Variants in ARL15 observed in about 807,000 individuals in gnomAD.
ARL15 encodes ADP-ribosylation factor-like protein 15.
A neutral mutation model predicts 25.2 loss-of-function variants in ARL15; 19 were observed. That is an observed-to-expected ratio of 0.75 (90% CI 0.53 to 1.10). ARL15 has a LOEUF of 1.10. Ranked by LOEUF, ARL15 falls within the 50% of genes least tolerant of loss-of-function variation. The pLI, the probability that ARL15 is intolerant of heterozygous loss-of-function variation, is 0.00. For missense variants in ARL15, 220 were observed against 246.0 expected, an observed-to-expected ratio of 0.89 and a Z score of 0.71; for synonymous variants, 94 against 86.8, an observed-to-expected ratio of 1.08 and a Z score of -0.46.
intron 1 of ARL15, among the ~76,000 whole-genome samples, chr5:54,250,138 T>C (rs989862115): frequency 6.6e-6 from 1 of 152,092 alleles, no homozygotes; most frequent in Admixed American, 6.6e-5. Context: ...GCCTGTCACA[T>C]GGCAGGAGTG....
chr5:54,131,839 C>A (rs1753448190), intron 3 of ARL15, among the ~76,000 whole-genome samples: 1 of 151,332 alleles, frequency 6.6e-6, no homozygotes, highest in Non-Finnish European at 1.5e-5. Flanking sequence ...GGAGGCGGAG[C>A]TTGCAGTGAG....
At chr5:53,959,532 C>T (rs1475139599) in intron 4 of ARL15, among the ~76,000 whole-genome samples, 4 of 152,116 alleles carry the variant, frequency 2.6e-5, no homozygotes, top group Non-Finnish European at 5.9e-5. Context: ...AGAAGATATG[C>T]TAAGGTAACT....
intron 4 of ARL15, among the ~76,000 whole-genome samples, chr5:53,974,379 C>G (rs1189267157): frequency 6.6e-6 from 1 of 152,164 alleles, no homozygotes; most frequent in Non-Finnish European, 1.5e-5. Flanking sequence ...CAATAATCTG[C>G]CCTTAAATGT....
intron 3 of ARL15, among the ~76,000 whole-genome samples, chr5:54,151,580 ATT>A (rs1295550873): frequency 1.3e-5 from 2 of 152,170 alleles, no homozygotes; most frequent in Admixed American, 6.6e-5. Flanking sequence ...AATTTTAAGA[ATT>A]TTTCAGGAAA....
chr5:54,004,275 A>C (rs1056323047), intron 4 of ARL15, among the ~76,000 whole-genome samples: 8 of 152,124 alleles, frequency 5.3e-5, no homozygotes, highest in Non-Finnish European at 1.0e-4. Context: ...CAGGCAGATC[A>C]CGAGGTCAAG....
intron 4 of ARL15, among the ~76,000 whole-genome samples, chr5:53,984,945 A>C (rs564647552): frequency 9.2e-5 from 14 of 152,266 alleles, no homozygotes; most frequent in African/African-American, 2.4e-5. Context: ...TTACCCTCAC[A>C]TATGTAAAAT....
At position 54,129,335 on chromosome 5, in the gene ARL15, G is replaced by A. The variant is rs140264747; in HGVS notation, c.254-15925C>T. 4.9e-3 allele frequency among the ~76,000 whole-genome samples: 752 copies of A among 151,926 alleles called. 6 individuals carry two copies. Among genetic ancestry groups the A allele is most frequent in the African/African-American group, 0.017 (705 of 41,352 alleles). The stretch of plus-strand genomic sequence containing the variant: ...GTCCCTCAGGTCCACACAGAAACCT[G>A]GCATAGAAAAAAAAGTGATCACAAT... On this transcript the variant is annotated intron_variant, in intron 3 of 4. Coordinates refer to ENST00000504924, the MANE Select transcript of ARL15 (RefSeq NM_019087.3).
chr5:54,219,346 A>G (rs1475161737), intron 1 of ARL15, among the ~76,000 whole-genome samples: 1 of 152,216 alleles, frequency 6.6e-6, no homozygotes, highest in African/African-American at 2.4e-5. Flanking sequence ...GCAGCCATAT[A>G]TAGAAGATCA....
chr5:54,284,146 C>A (rs1300499899), intron 1 of ARL15, among the ~76,000 whole-genome samples: 3 of 152,150 alleles, frequency 2.0e-5, no homozygotes, highest in African/African-American at 7.2e-5. Flanking sequence ...CTTGGTTGCC[C>A]AGGCTGGAGT....
intron 4 of ARL15, among the ~76,000 whole-genome samples, chr5:54,027,968 G>C (rs1169759533): frequency 6.6e-6 from 1 of 151,936 alleles, no homozygotes; most frequent in African/African-American, 2.4e-5. Context: ...CCAGGCTGGA[G>C]TGCAGAGGCG....
At chr5:53,935,993 C>G (rs1198990481) in intron 4 of ARL15, among the ~76,000 whole-genome samples, 1 of 152,132 alleles carries the variant, frequency 6.6e-6, no homozygotes, top group South Asian at 2.1e-4. Context: ...AGGTGATCCA[C>G]CTGCCTCAGC....
intron 1 of ARL15, among the ~76,000 whole-genome samples, chr5:54,275,252 T>A (rs1174577365): frequency 1.3e-5 from 2 of 152,188 alleles, no homozygotes; most frequent in East Asian, 3.9e-4. Flanking sequence ...TAATCTCAGA[T>A]CAAACTGCCT....
chr5:54,139,790 C>T (rs905115919), intron 3 of ARL15, among the ~76,000 whole-genome samples: 52 of 152,038 alleles, frequency 3.4e-4, no homozygotes, highest in African/African-American at 1.2e-3. Context: ...TGAGATCGTC[C>T]CACTGCACTC....
intron 4 of ARL15, among the ~76,000 whole-genome samples, chr5:53,930,613 T>A (rs537853694): frequency 1.3e-5 from 2 of 152,006 alleles, no homozygotes; most frequent in Non-Finnish European, 2.9e-5. Flanking sequence ...CAGAACACAC[T>A]CTAGGTTGCT....
intron 4 of ARL15, among the ~76,000 whole-genome samples, chr5:53,981,830 G>C (rs764358752): frequency 2.7e-5 from 4 of 150,796 alleles, no homozygotes; most frequent in Non-Finnish European, 5.9e-5. Flanking sequence ...AATCCAGCAG[G>C]CAGAGGTTTT....
intron 1 of ARL15, among the ~76,000 whole-genome samples, chr5:54,235,372 T>C (rs1332225638): frequency 6.6e-6 from 1 of 152,214 alleles, no homozygotes; most frequent in Non-Finnish European, 1.5e-5. Context: ...CTGAAATATA[T>C]GGTTAAACTA....
At chr5:54,219,870 T>A (rs930404498) in intron 1 of ARL15, among the ~76,000 whole-genome samples, 1 of 152,224 alleles carries the variant, frequency 6.6e-6, no homozygotes, top group Non-Finnish European at 1.5e-5. Context: ...AATCTAGAAC[T>A]AAAATGAAAA....
intron 4 of ARL15, among the ~76,000 whole-genome samples, chr5:53,969,649 A>T (rs1279751110): frequency 6.6e-6 from 1 of 152,176 alleles, no homozygotes; most frequent in African/African-American, 2.4e-5. Flanking sequence ...TATTTTTAAA[A>T]AATCTATTTC....
At chr5:54,189,531 T>G (rs767961809) in intron 1 of ARL15, among the ~76,000 whole-genome samples, 1 of 152,264 alleles carries the variant, frequency 6.6e-6, no homozygotes, top group East Asian at 1.9e-4. Context: ...GGTGAAAAGA[T>G]CATTCAGTGG....
Sources: allele counts gnomAD v4.1 joint callset (sites outside exome capture counted in the v4.1 genomes callset), GRCh38; gene constraint gnomAD v4.1.1; transcripts MANE v1.5; gene names NCBI Gene and HGNC (gene_info 2026-07-23, HGNC 2026-07-21).